Variants in NMNAT1 observed in about 807,000 individuals in gnomAD.
NMNAT1 encodes the protein nicotinamide/nicotinic acid mononucleotide adenylyltransferase 1.
A neutral mutation model predicts 16.7 loss-of-function variants in NMNAT1; 11 were observed. That is an observed-to-expected ratio of 0.66 (90% CI 0.41 to 1.09). The LOEUF (loss-of-function observed/expected upper bound fraction) is 1.09. NMNAT1 is among the 50% of genes least tolerant of loss of function. The pLI, the probability that NMNAT1 is intolerant of heterozygous loss-of-function variation, is 0.00. For synonymous variants in NMNAT1, 110 were observed against 119.8 expected (o/e 0.92, Z 0.53); for missense variants, 280 against 332.3 (o/e 0.84, Z 1.22).
At chr1:9,980,719 C>A (rs534814531) in intron 3 of NMNAT1, among the ~76,000 whole-genome samples, 1 of 150,544 alleles carries the variant, frequency 6.6e-6, no homozygotes, top group Non-Finnish European at 1.5e-5. Context: ...TGCAGTGGTG[C>A]GGTCTTGGCT....
intron 1 of NMNAT1, among the ~76,000 whole-genome samples, chr1:9,954,939 A>C (rs1177920416): frequency 6.6e-6 from 1 of 151,808 alleles, no homozygotes; most frequent in African/African-American, 2.4e-5. Context: ...CAAAAAAAAA[A>C]AAAAGGAATT....
intron 1 of NMNAT1, 71 bp from the exon 2 acceptor site, chr1:9,971,947 G>C (rs1032161100): frequency 6.0e-6 from 4 of 663,370 alleles, no homozygotes; most frequent in Non-Finnish European, 1.1e-5. Context: ...TCTAGCCAGG[G>C]TGGCAGAGCA....
chr1:9,953,678 T>C lies in NMNAT1; in HGVS notation c.-57+10163T>C, dbSNP rs968427023. ...CTGGTCTCAAACTCGTGACCTCAGG[T>C]GATCCATCTGTCTTGGCCTCCCAAA... is the stretch of plus-strand genomic sequence containing the variant. On this transcript the variant is annotated intron_variant, in intron 1 of 4. Transcript: ENST00000377205. Among the ~76,000 whole-genome samples the C allele has an allele frequency of 3.3e-5, 5 of 151,970 alleles. No homozygotes were observed. In the East Asian group the frequency reaches 9.7e-4, roughly 29 times the overall value.
intron 3 of NMNAT1, 112 bp from the exon 4 acceptor site, chr1:9,980,919 G>T: frequency 8.3e-7 from 1 of 1,200,870 alleles, no homozygotes; most frequent in Non-Finnish European, 1.1e-6. Context: ...GCCTCCCAAA[G>T]TGCTGGGATT....
At chr1:9,964,886 T>C (rs952234253) in intron 1 of NMNAT1, among the ~76,000 whole-genome samples, 3 of 136,276 alleles carry the variant, frequency 2.2e-5, no homozygotes, top group African/African-American at 8.6e-5. Context: ...AGGTAGAGGT[T>C]GCAGTGAGCC....
At position 9,984,736 on chromosome 1, in the gene NMNAT1, G is replaced by C. The variant is rs1318299621; in HGVS notation, c.*2035G>C. 6.6e-6 allele frequency: 1 copy of C among 152,106 alleles called. No individual in the cohort carries two copies. The highest frequency in any genetic ancestry group is 1.5e-5 in the Non-Finnish European group (1 of 68,044). The allele number at this position is 152,106 out of a possible 1,614,324, so 9.4% of individuals were successfully genotyped here. On this transcript the variant is annotated 3_prime_UTR_variant, in exon 5 of 5. Transcript: ENST00000377205. ...CCCTTACATTGTGTAATTTGAAAGT[G>C]GCAAACAAACCTGCAGTAAAAGTCC...
chr1:9,986,434 G>A (rs776432525), downstream of NMNAT1, among the ~76,000 whole-genome samples: 5 of 152,172 alleles, frequency 3.3e-5, no homozygotes, highest in South Asian at 4.1e-4. Context: ...ATCAGCTAGC[G>A]CCGGCGTGGT....
chr1:9,981,037 T>A lies in NMNAT1; in HGVS notation c.306T>A (p.His102Gln). 1 of 1,605,302 alleles carries A rather than the reference T, an allele frequency of 6.2e-7. No homozygotes were observed. Reference sequence around the variant, plus strand: ...TTGTTTTGTTGTTTTATAGACACCATCAAGAGAAATTGGAGGCTAGTGACT... The same window carrying A: ...TTGTTTTGTTGTTTTATAGACACCAACAAGAGAAATTGGAGGCTAGTGACT... Reference protein sequence around the residue: ...WKETLKVLRHHQEKLEASDCD... With the variant: ...WKETLKVLRHQQEKLEASDCD... Residue 102 changes from histidine to glutamine, a missense_variant, in exon 4 of 5, where the codon CAT becomes CAA. Physicochemically the swap from His to Gln is conservative, Grantham distance 24 (BLOSUM62 0). Coordinates refer to ENST00000377205, the MANE Select transcript of NMNAT1 (RefSeq NM_022787.4).
chr1:9,992,391 A>AT, the NMNAT1 span, among the ~76,000 whole-genome samples: 1 of 151,920 alleles, frequency 6.6e-6, no homozygotes, highest in African/African-American at 2.4e-5. Context: ...TAGGATTATA[A>AT]TTTTTTTATA....
At chr1:9,945,398 A>C (rs564879872) in intron 1 of NMNAT1, among the ~76,000 whole-genome samples, 22 of 152,292 alleles carry the variant, frequency 1.4e-4, no homozygotes, top group African/African-American at 5.1e-4. Flanking sequence ...ACTGGAAAAT[A>C]TACTTTAAAA....
chr1:9,943,025 G>A (rs1640838380), upstream of NMNAT1: 2 of 316,806 alleles, frequency 6.3e-6, no homozygotes, highest in Admixed American at 3.9e-5. Flanking sequence ...GCTTGGAAAA[G>A]GTAAGGGCGG....
chr1:9,996,322 A>AG, the NMNAT1 span, among the ~76,000 whole-genome samples: 1 of 146,480 alleles, frequency 6.8e-6, no homozygotes, highest in African/African-American at 2.4e-5. Context: ...AAAAAAAAAA[A>AG]AAAAGAAAAA....
Position 9,982,452 on chromosome 1 carries a change from C to T in NMNAT1, c.591C>T (p.Ile197=), listed in dbSNP as rs758567561. 1.2e-5 allele frequency: 20 copies of T among 1,614,084 alleles called. No individual in the cohort carries two copies. The highest frequency in any genetic ancestry group is 1.6e-5 in the Non-Finnish European group (19 of 1,180,020). ...TRAGNDAQKF[I]YESDVLWKHR... is the part of the protein sequence containing the mutation. Reference sequence around the variant, plus strand: ...CTGGAAATGATGCTCAGAAGTTTATCTATGAATCGGATGTGCTGTGGAAAC... The same window carrying T: ...CTGGAAATGATGCTCAGAAGTTTATTTATGAATCGGATGTGCTGTGGAAAC... The change falls in exon 5 of 5, where the codon ATC becomes ATT. Residue 197 remains isoleucine (I), a synonymous_variant. Transcript: ENST00000377205.
At chr1:9,945,510 C>T (rs1640959019) in intron 1 of NMNAT1, among the ~76,000 whole-genome samples, 1 of 152,036 alleles carries the variant, frequency 6.6e-6, no homozygotes, top group African/African-American at 2.4e-5. Context: ...ACCAGCCTGG[C>T]CCCTATGGTG....
intron 3 of NMNAT1, among the ~76,000 whole-genome samples, chr1:9,979,797 A>T (rs535851321): frequency 4.1e-5 from 6 of 147,582 alleles, no homozygotes; most frequent in African/African-American, 1.5e-4. Context: ...GTGAGACTCC[A>T]TCTCAAAAAA....
At chr1:9,974,825 C>T (rs115075332) in intron 2 of NMNAT1, among the ~76,000 whole-genome samples, 272 of 152,128 alleles carry the variant, frequency 1.8e-3, no homozygotes, top group African/African-American at 5.9e-3. Context: ...CACCTGGCCT[C>T]GATTTTTTTG....
rs1641708602 is a variant in NMNAT1, at chr1:9,972,310, A to C, written c.115+122A>C. On this transcript the variant is annotated intron_variant, in intron 2 of 4. Transcript: ENST00000377205. ...CAGATCACAAGGTCAAGAGATCGAG[A>C]CCATCCTAGCCAACATGGTAAAACC... 6.1e-6 allele frequency: 4 copies of C among 656,288 alleles called. No homozygotes were observed. The Admixed American group carries it at 9.6e-5, about 16-fold the overall frequency. The allele number at this position is 656,288 out of a possible 1,614,324, so 40.7% of individuals were successfully genotyped here.
downstream of NMNAT1, among the ~76,000 whole-genome samples, chr1:9,989,790 C>G (rs1296839262): frequency 6.6e-6 from 1 of 152,228 alleles, no homozygotes; most frequent in African/African-American, 2.4e-5. Context: ...GCCTGTCACA[C>G]TGACCCTCCA....
At chr1:9,976,056 G>A (rs1200023918) in intron 3 of NMNAT1, among the ~76,000 whole-genome samples, 1 of 152,122 alleles carries the variant, frequency 6.6e-6, no homozygotes, top group East Asian at 1.9e-4. Context: ...GGAGGCTGAG[G>A]CGGGTGGATC....
Sources: allele counts gnomAD v4.1 joint callset (sites outside exome capture counted in the v4.1 genomes callset), GRCh38; gene constraint gnomAD v4.1.1; transcripts MANE v1.5; gene names NCBI Gene and HGNC (gene_info 2026-07-23, HGNC 2026-07-21).